Variants in HPSE2 observed in about 807,000 individuals in gnomAD.
HPSE2 encodes inactive heparanase-2.
HPSE2 carries 38 observed loss-of-function variants against 60.5 expected under a neutral mutation model. The observed-to-expected ratio is 0.63, with a 90% CI of 0.48 to 0.82. The LOEUF (loss-of-function observed/expected upper bound fraction) is 0.82. HPSE2 is among the 40% of genes least tolerant of loss of function. HPSE2 has a pLI of 0.00. For missense variants in HPSE2, 713 were observed against 740.4 expected, an observed-to-expected ratio of 0.96 and a Z score of 0.43; for synonymous variants, 295 against 293.2, an observed-to-expected ratio of 1.01 and a Z score of -0.06.
At chr10:98,845,495 C>T (rs910618961) in intron 3 of HPSE2, among the ~76,000 whole-genome samples, 1 of 152,154 alleles carries the variant, frequency 6.6e-6, no homozygotes, top group Non-Finnish European at 1.5e-5. Flanking sequence ...AAGTAATGGG[C>T]AAATTTTCAT....
intron 3 of HPSE2, among the ~76,000 whole-genome samples, chr10:98,756,894 A>C (rs1206857448): frequency 6.6e-6 from 1 of 152,168 alleles, no homozygotes; most frequent in African/African-American, 2.4e-5. Flanking sequence ...ACTTTAGGCC[A>C]ATGTCTCTAA....
At chr10:99,232,853 T>C (rs1849707201) in intron 1 of HPSE2, among the ~76,000 whole-genome samples, 1 of 152,248 alleles carries the variant, frequency 6.6e-6, no homozygotes, top group African/African-American at 2.4e-5. Flanking sequence ...TAAAGCGCAG[T>C]TGCCCGGCTT....
At chr10:98,493,391 A>C (rs1941723117) in intron 9 of HPSE2, among the ~76,000 whole-genome samples, 1 of 152,160 alleles carries the variant, frequency 6.6e-6, no homozygotes, top group Non-Finnish European at 1.5e-5. Context: ...TGAGAATGGG[A>C]TATTGAAGTC....
At chr10:98,982,361 G>C (rs1290305166) in intron 3 of HPSE2, among the ~76,000 whole-genome samples, 1 of 151,996 alleles carries the variant, frequency 6.6e-6, no homozygotes, top group Non-Finnish European at 1.5e-5. Context: ...TAAAACAGAT[G>C]GAAGATCTAG....
chr10:98,822,797 T>G (rs1286352403), intron 3 of HPSE2, among the ~76,000 whole-genome samples: 2 of 152,092 alleles, frequency 1.3e-5, no homozygotes, highest in African/African-American at 2.4e-5. Context: ...CAATGAAAAG[T>G]TAAAAGATGT....
At position 99,099,800 on chromosome 10, in the gene HPSE2, G is replaced by A. The variant is rs548817208; in HGVS notation, c.610+44438C>T. On this transcript the variant is annotated intron_variant, in intron 3 of 11. Transcript: ENST00000370552. ...GTATCCCTCTGAGACGAAGCTTCCA[G>A]AGAAACAATGAGGCAGCTACATTTC... Among the ~76,000 whole-genome samples the A allele has an allele frequency of 8.5e-5, 13 of 152,272 alleles. 1 individual carries two copies. The highest frequency in any genetic ancestry group is 8.3e-4 in the South Asian group (4 of 4,820).
chr10:99,136,216 A>G (rs1235099694), intron 3 of HPSE2, among the ~76,000 whole-genome samples: 1 of 152,204 alleles, frequency 6.6e-6, no homozygotes, highest in African/African-American at 2.4e-5. Context: ...GAAAAAACCA[A>G]TAATAAGTTC....
intron 2 of HPSE2, among the ~76,000 whole-genome samples, chr10:99,184,817 TATAG>T (rs1223949541): frequency 2.1e-3 from 36 of 17,198 alleles, no homozygotes; most frequent in African/African-American, 4.2e-3. Flanking sequence ...TATATATATA[TATAG>T]AGAGAGAGAG....
intron 3 of HPSE2, among the ~76,000 whole-genome samples, chr10:98,759,951 ATTTATTTCT>A (rs1161256299): frequency 6.6e-6 from 1 of 151,888 alleles, no homozygotes. Flanking sequence ...TTTGTATCTT[ATTTATTTCT>A]TTCATTAATG....
intron 5 of HPSE2, among the ~76,000 whole-genome samples, chr10:98,711,582 C>T (rs1948677584): frequency 6.6e-6 from 1 of 151,992 alleles, no homozygotes; most frequent in Non-Finnish European, 1.5e-5. Context: ...TTCCTTGATC[C>T]ATGTCATATG....
At chr10:99,208,034 T>C (rs1418151905) in intron 2 of HPSE2, among the ~76,000 whole-genome samples, 1 of 148,822 alleles carries the variant, frequency 6.7e-6, no homozygotes, top group East Asian at 1.9e-4. Context: ...TATATTATAA[T>C]ATAAGAAGTT....
chr10:99,000,580 T>G (rs975533664), intron 3 of HPSE2, among the ~76,000 whole-genome samples: 3 of 152,008 alleles, frequency 2.0e-5, no homozygotes, highest in Non-Finnish European at 4.4e-5. Flanking sequence ...ACACTAAGGC[T>G]GGGAAAAGAC....
At chr10:99,187,047 G>C (rs532463228) in intron 2 of HPSE2, among the ~76,000 whole-genome samples, 2 of 152,054 alleles carry the variant, frequency 1.3e-5, no homozygotes, top group African/African-American at 2.4e-5. Context: ...GCCTCCCAAA[G>C]TGCTGGGATT....
At chr10:98,772,237 A>G (rs1483283822) in intron 3 of HPSE2, among the ~76,000 whole-genome samples, 1 of 152,184 alleles carries the variant, frequency 6.6e-6, no homozygotes, top group African/African-American at 2.4e-5. Flanking sequence ...TTAACAGAGC[A>G]TGACATCCCC....
chr10:98,475,755 C>A (rs188318572), intron 11 of HPSE2, among the ~76,000 whole-genome samples: 265 of 152,148 alleles, frequency 1.7e-3, no homozygotes, highest in African/African-American at 6.2e-3. Flanking sequence ...GAAGGGAATT[C>A]CCCACTTCTT....
intron 3 of HPSE2, among the ~76,000 whole-genome samples, chr10:99,061,424 G>A (rs1388850567): frequency 1.3e-5 from 2 of 152,224 alleles, no homozygotes; most frequent in East Asian, 3.8e-4. Context: ...AAGACTAAAT[G>A]TAGCTGGGGT....
chr10:98,516,788 T>C (rs1942616806), intron 9 of HPSE2, among the ~76,000 whole-genome samples: 1 of 152,182 alleles, frequency 6.6e-6, no homozygotes, highest in Non-Finnish European at 1.5e-5. Context: ...GTGAAGCTCA[T>C]TGTCCAGACC....
chr10:99,229,817 C>T (rs1041307167), intron 2 of HPSE2, among the ~76,000 whole-genome samples: 3 of 152,194 alleles, frequency 2.0e-5, no homozygotes, highest in Non-Finnish European at 4.4e-5. Flanking sequence ...CAAGTGCTTA[C>T]TACAGGACCA....
intron 3 of HPSE2, among the ~76,000 whole-genome samples, chr10:98,852,962 T>C (rs1343572802): frequency 1.3e-5 from 2 of 152,248 alleles, no homozygotes; most frequent in Non-Finnish European, 2.9e-5. Context: ...ATCATTTATT[T>C]ATTTGTTTAC....
Sources: gnomAD v4.1 joint callset for allele counts (sites outside exome capture counted in the v4.1 genomes callset) on GRCh38, gnomAD v4.1.1 for gene constraint, MANE v1.5 for transcripts, NCBI Gene and HGNC (gene_info 2026-07-23, HGNC 2026-07-21) for gene names.